RPGRIP1L: variants seen among roughly 807,000 people sequenced by gnomAD.
RPGRIP1L encodes the protein RPGRIP1 like, also known as protein fantom.
In RPGRIP1L, 131 loss-of-function variants were observed where a neutral mutation model predicts 160.4. The observed-to-expected ratio is 0.82, with a 90% CI of 0.71 to 0.94. RPGRIP1L has a LOEUF of 0.94. Ranked by LOEUF, RPGRIP1L falls within the 40% of genes least tolerant of loss-of-function variation. The pLI, the probability that RPGRIP1L is intolerant of heterozygous loss-of-function variation, is 0.00. For missense variants in RPGRIP1L, 1,522 were observed against 1,535.8 expected (o/e 0.99, Z 0.15); for synonymous variants, 510 against 515.8 (o/e 0.99, Z 0.15).
chr16:53,696,193 A>G lies in RPGRIP1L; in HGVS notation c.188T>C (p.Leu63Ser). The G allele has an allele frequency of 6.2e-7, 1 of 1,614,026 alleles. No individual in the cohort carries two copies. The highest frequency in any genetic ancestry group is 8.5e-7 in the Non-Finnish European group (1 of 1,179,948). ...RFLRLHDENI[L>S]LKQHARKQED... ...CTGCTTGCGGGCATGCTGTTTAAGTAAAATGTTCTCATCATGCAAACGCAA... is the reference window on the plus strand; with the variant it reads ...CTGCTTGCGGGCATGCTGTTTAAGTGAAATGTTCTCATCATGCAAACGCAA... The change falls in exon 3 of 27, where the codon TTA (leucine) becomes TCA (serine). Residue 63 changes from leucine (L) to serine (S), a missense_variant. Coordinates refer to ENST00000647211, the MANE Select transcript of RPGRIP1L (RefSeq NM_015272.5).
intron 23 of RPGRIP1L, among the ~76,000 whole-genome samples, chr16:53,620,884 A>C (rs1195032997): frequency 1.3e-5 from 2 of 152,226 alleles, no homozygotes; most frequent in Non-Finnish European, 2.9e-5. Context: ...CATATATTTT[A>C]TAATTCTGCT....
At chr16:53,650,403 T>A (rs1476631976) in intron 15 of RPGRIP1L, among the ~76,000 whole-genome samples, 1 of 152,196 alleles carries the variant, frequency 6.6e-6, no homozygotes, top group African/African-American at 2.4e-5. Flanking sequence ...AATATTAATG[T>A]AATATATATT....
intron 6 of RPGRIP1L, among the ~76,000 whole-genome samples, chr16:53,679,576 C>A (rs138068200): frequency 7.2e-6 from 1 of 137,956 alleles, no homozygotes; most frequent in South Asian, 2.4e-4. Flanking sequence ...GGAATCTGAA[C>A]CTTACAGTCA....
intron 7 of RPGRIP1L, 72 bp downstream of exon 7, chr16:53,674,945 A>G: frequency 1.9e-6 from 2 of 1,036,406 alleles, no homozygotes; most frequent in Non-Finnish European, 2.9e-6. Flanking sequence ...CATGTTAAAA[A>G]AACAACTTGA....
At chr16:53,692,865 A>G (rs1396426229) in intron 3 of RPGRIP1L, among the ~76,000 whole-genome samples, 4 of 152,276 alleles carry the variant, frequency 2.6e-5, no homozygotes, top group Non-Finnish European at 4.4e-5. Context: ...ATGCACACAT[A>G]TAAAGCCCAA....
intron 15 of RPGRIP1L, among the ~76,000 whole-genome samples, chr16:53,650,708 C>G (rs1966846231): frequency 6.6e-6 from 1 of 152,166 alleles, no homozygotes; most frequent in Non-Finnish European, 1.5e-5. Context: ...TTACCTCAAT[C>G]AATCACTCAA....
chr16:53,638,820 T>C (rs1377130955), intron 19 of RPGRIP1L, among the ~76,000 whole-genome samples: 2 of 151,958 alleles, frequency 1.3e-5, no homozygotes, highest in Admixed American at 6.6e-5. Flanking sequence ...AAGCTACTTA[T>C]AGAACTATAT....
At chr16:53,602,448 G>A (rs911208661) in intron 26 of RPGRIP1L, among the ~76,000 whole-genome samples, 44 of 152,086 alleles carry the variant, frequency 2.9e-4, no homozygotes, top group East Asian at 1.9e-4. Context: ...TAGTGAAAGC[G>A]TCTAGGATAA....
intron 3 of RPGRIP1L, among the ~76,000 whole-genome samples, chr16:53,692,605 T>C (rs946874773): frequency 6.6e-6 from 1 of 152,184 alleles, no homozygotes; most frequent in Admixed American, 6.5e-5. Context: ...TTAAGGTTAG[T>C]AAAGAGAGGA....
rs536285002 is a variant in RPGRIP1L, at chr16:53,672,605, C to T, written c.1029+265G>A. Among the ~76,000 whole-genome samples the T allele has an allele frequency of 8.5e-5, 13 of 152,198 alleles. No homozygotes were observed. In the East Asian group the frequency reaches 2.5e-3, roughly 29 times the overall value. ...AAGTTAAGTTCCATAGGTAATCTGGCATCAGTTTCAAAATGCTGGTTTCAT... is the reference window on the plus strand; with the variant it reads ...AAGTTAAGTTCCATAGGTAATCTGGTATCAGTTTCAAAATGCTGGTTTCAT... On this transcript the variant is annotated intron_variant, in intron 8 of 26. Coordinates refer to ENST00000647211, the MANE Select transcript of RPGRIP1L (RefSeq NM_015272.5).
At chr16:53,684,167 T>C (rs1024465246) in intron 6 of RPGRIP1L, among the ~76,000 whole-genome samples, 2 of 152,166 alleles carry the variant, frequency 1.3e-5, no homozygotes, top group Non-Finnish European at 2.9e-5. Context: ...AGTTCAACCA[T>C]TGTGGAAGTC....
intron 6 of RPGRIP1L, among the ~76,000 whole-genome samples, chr16:53,676,199 G>A (rs1468922112): frequency 6.6e-6 from 1 of 151,998 alleles, no homozygotes; most frequent in Admixed American, 6.6e-5. Flanking sequence ...ATTGTATTTT[G>A]GCATTGGACA....
At chr16:53,660,297 T>TC (rs994696821) in intron 10 of RPGRIP1L, among the ~76,000 whole-genome samples, 4 of 152,174 alleles carry the variant, frequency 2.6e-5, no homozygotes, top group Admixed American at 2.6e-4. Flanking sequence ...TTTATGTTTA[T>TC]CATAAGTCTT....
At position 53,652,364 on chromosome 16, in the gene RPGRIP1L, T is replaced by C. The variant is rs140672076; in HGVS notation, c.2152+171A>G. 5.1e-3 allele frequency among the ~76,000 whole-genome samples: 773 copies of C among 152,312 alleles called. 8 individuals carry two copies. The highest frequency in any genetic ancestry group is 0.018 in the African/African-American group (736 of 41,580). On this transcript the variant is annotated intron_variant, in intron 15 of 26. Coordinates refer to ENST00000647211, the MANE Select transcript of RPGRIP1L (RefSeq NM_015272.5). ...CTGGGATTAAAGGAGTGAGCCACTGTGCTCGGCATCAGTGACGTTTAAGAT... is the reference window on the plus strand; with the variant it reads ...CTGGGATTAAAGGAGTGAGCCACTGCGCTCGGCATCAGTGACGTTTAAGAT...
intron 6 of RPGRIP1L, among the ~76,000 whole-genome samples, chr16:53,685,623 G>A (rs72803654): frequency 5.9e-5 from 9 of 151,694 alleles, no homozygotes; most frequent in Non-Finnish European, 1.2e-4. Flanking sequence ...CAAACACTGC[G>A]TGTTCTCACT....
intron 14 of RPGRIP1L, among the ~76,000 whole-genome samples, chr16:53,653,802 T>G (rs867206254): frequency 9.8e-5 from 15 of 152,364 alleles, no homozygotes; most frequent in Middle Eastern, 3.4e-3. Context: ...TCAACTTTTA[T>G]GACTTTTGTC....
At chr16:53,648,634 A>G (rs1053138066) in intron 16 of RPGRIP1L, among the ~76,000 whole-genome samples, 3 of 151,760 alleles carry the variant, frequency 2.0e-5, no homozygotes, top group Non-Finnish European at 4.4e-5. Context: ...GCGCACACAC[A>G]CACACACACA....
intron 4 of RPGRIP1L, among the ~76,000 whole-genome samples, chr16:53,691,669 T>C (rs773171919): frequency 1.3e-5 from 2 of 152,210 alleles, no homozygotes; most frequent in African/African-American, 2.4e-5. Context: ...ATTTCAACAC[T>C]TTTGCAAATT....
intron 6 of RPGRIP1L, among the ~76,000 whole-genome samples, chr16:53,685,016 GA>G (rs1304890878): frequency 6.6e-6 from 1 of 150,828 alleles, no homozygotes; most frequent in Non-Finnish European, 1.5e-5. Context: ...AAATTTACAA[GA>G]AAAAAAAGCC....
Sources: allele counts gnomAD v4.1 joint callset (sites outside exome capture counted in the v4.1 genomes callset), GRCh38; gene constraint gnomAD v4.1.1; transcripts MANE v1.5; gene names NCBI Gene and HGNC (gene_info 2026-07-23, HGNC 2026-07-21).